FOXN2: variants seen among roughly 807,000 people sequenced by gnomAD.
FOXN2 encodes the protein forkhead box N2.
FOXN2 carries 19 observed loss-of-function variants against 41.2 expected under a neutral mutation model. The observed-to-expected ratio is 0.46, with a 90% CI of 0.32 to 0.68. The LOEUF (loss-of-function observed/expected upper bound fraction) is 0.68. Among genes scored for constraint, FOXN2 ranks in the 30% least tolerant of loss-of-function variants. The pLI is 0.03. For missense variants in FOXN2, 587 were observed against 509.4 expected, an observed-to-expected ratio of 1.15 and a Z score of -1.47; for synonymous variants, 195 against 176.8, an observed-to-expected ratio of 1.10 and a Z score of -0.82.
intron 4 of FOXN2, among the ~76,000 whole-genome samples, chr2:48,361,717 TC>T (rs997931027): frequency 6.6e-6 from 1 of 152,280 alleles, no homozygotes; most frequent in African/African-American, 2.4e-5. Flanking sequence ...GATTTTTTTT[TC>T]ATGCTATCAT....
Position 48,330,133 on chromosome 2 carries a change from A to G in FOXN2, c.-15+1431A>G, listed in dbSNP as rs148756539. 2.3e-3 allele frequency among the ~76,000 whole-genome samples: 349 copies of G among 152,272 alleles called. 3 individuals are homozygous for G. The highest frequency in any genetic ancestry group is 6.2e-3 in the South Asian group (30 of 4,832). On this transcript the variant is annotated intron_variant, in intron 2 of 6. Coordinates refer to ENST00000340553, the MANE Select transcript of FOXN2 (RefSeq NM_002158.4). ...TCAGATTTAGAAAATATTAGTATCT[A>G]TAAACTGCTAAAATATATTATGTCA...
rs948927749 is a variant in FOXN2, at chr2:48,322,773, A to AAT, written c.-156-5779_-156-5778dup. Among the ~76,000 whole-genome samples, 44 of 148,540 alleles carry AAT rather than the reference A, an allele frequency of 3.0e-4. No individual in the cohort carries two copies. The South Asian group carries it at 7.8e-3, about 26-fold the overall frequency. On this transcript the variant is annotated intron_variant, in intron 1 of 6. Transcript: ENST00000340553. Reference sequence around the variant, plus strand: ...CTGATATATTTGATATATATAATACAATATATATATCTGATATAGGTATTT... The same window carrying AAT: ...CTGATATATTTGATATATATAATACAATATATATATATCTGATATAGGTATTT...
chr2:48,329,181 T>C (rs1669871406), intron 2 of FOXN2, among the ~76,000 whole-genome samples: 1 of 152,194 alleles, frequency 6.6e-6, no homozygotes, highest in African/African-American at 2.4e-5. Context: ...GACTACACTT[T>C]TATTTTTGAG....
Position 48,375,546 on chromosome 2 carries a change from T to C in FOXN2, c.*103T>C. 8.6e-7 allele frequency: 1 copy of C among 1,163,514 alleles called. No individual in the cohort carries two copies. Among genetic ancestry groups the C allele is most frequent in the Non-Finnish European group, 1.2e-6 (1 of 852,366 alleles). The allele number at this position is 1,163,514 out of a possible 1,614,324, so 72.1% of individuals were successfully genotyped here. ...TTTAGGGTAGGGAAGGGATACTAATTACTTATTTCTTTCAAAACATTTTTG... is the reference window on the plus strand; with the variant it reads ...TTTAGGGTAGGGAAGGGATACTAATCACTTATTTCTTTCAAAACATTTTTG... On this transcript the variant is annotated 3_prime_UTR_variant, in exon 7 of 7. Transcript: ENST00000340553.
At chr2:48,361,984 A>G (rs1006926330) in intron 4 of FOXN2, among the ~76,000 whole-genome samples, 6 of 152,202 alleles carry the variant, frequency 3.9e-5, no homozygotes, top group African/African-American at 1.4e-4. Context: ...AACAGTAACT[A>G]TCATGTATTA....
intron 3 of FOXN2, among the ~76,000 whole-genome samples, chr2:48,347,671 ATAT>A (rs1671200847): frequency 6.6e-6 from 1 of 152,102 alleles, no homozygotes; most frequent in Non-Finnish European, 1.5e-5. Flanking sequence ...CCTTCAAATA[ATAT>A]TATACCATTT....
intron 1 of FOXN2, among the ~76,000 whole-genome samples, chr2:48,318,622 C>A (rs1237272238): frequency 6.6e-6 from 1 of 152,192 alleles, no homozygotes; most frequent in Non-Finnish European, 1.5e-5. Context: ...AAAACCTTAA[C>A]CTAATTTTGA....
rs186662253 is a variant in FOXN2, at chr2:48,364,057, T to C, written c.703+1350T>C. Among the ~76,000 whole-genome samples, 8 of 152,252 alleles carry C rather than the reference T, an allele frequency of 5.3e-5. No homozygotes were observed. The East Asian group carries it at 1.4e-3, about 26-fold the overall frequency. The stretch of plus-strand genomic sequence containing the variant: ...GGGACTACAGGTGCACATGACTGTA[T>C]TTTAATTCATAAAAAATTCAGATAA... On this transcript the variant is annotated intron_variant, in intron 5 of 6. Coordinates refer to ENST00000340553, the MANE Select transcript of FOXN2 (RefSeq NM_002158.4).
At position 48,354,593 on chromosome 2, in the gene FOXN2, C is replaced by T. The variant is rs112839778; in HGVS notation, c.538-4454C>T. On this transcript the variant is annotated intron_variant, in intron 3 of 6. Coordinates refer to ENST00000340553, the MANE Select transcript of FOXN2 (RefSeq NM_002158.4). Reference sequence around the variant, plus strand: ...CCAGCCTGGCAACAGAGCGAGACTTCGTCTCAAAAACAAAAAAAAGTGCTG... The same window carrying T: ...CCAGCCTGGCAACAGAGCGAGACTTTGTCTCAAAAACAAAAAAAAGTGCTG... Among the ~76,000 whole-genome samples, 592 of 152,224 alleles carry T rather than the reference C, an allele frequency of 3.9e-3. 2 individuals are homozygous for T. Among genetic ancestry groups the T allele is most frequent in the African/African-American group, 0.011 (439 of 41,536 alleles).
chr2:48,359,064 C>T lies in FOXN2; in HGVS notation c.555C>T (p.Ser185=). The T allele has an allele frequency of 6.2e-7, 1 of 1,613,110 alleles. No individual in the cohort carries two copies. Among genetic ancestry groups the T allele is most frequent in the Non-Finnish European group, 8.5e-7 (1 of 1,179,518 alleles). ...TATTCTAGGTTAATGGAAAAGGTTC[C>T]TTATGGTGTGTTGATCCGGAATATA... is the stretch of plus-strand genomic sequence containing the variant. ...RSHGKVNGKG[S]LWCVDPEYKP... Residue 185 remains serine, a synonymous_variant, in exon 4 of 7, where the codon TCC becomes TCT. Transcript: ENST00000340553.
rs911860169 is a variant in FOXN2 at position 48,376,129 on chromosome 2, G to A, written c.*686G>A. The stretch of plus-strand genomic sequence containing the variant: ...CCTATTAGAATGGTAGCTTTGAAGT[G>A]TTTTTACTTCAGAGATCCTGCATAG... On this transcript the variant is annotated 3_prime_UTR_variant, in exon 7 of 7. Coordinates refer to ENST00000340553, the MANE Select transcript of FOXN2 (RefSeq NM_002158.4). 6.6e-6 allele frequency: 1 copy of A among 152,122 alleles called. No individual in the cohort carries two copies. Among genetic ancestry groups the A allele is most frequent in the African/African-American group, 2.4e-5 (1 of 41,434 alleles). 9.4% of individuals were successfully genotyped at this position (152,122 alleles called of 1,614,324 possible).
In FOXN2 at chr2:48,375,602, A is replaced by G. The variant is rs1051097357; in HGVS notation, c.*159A>G. 4 of 676,078 alleles carry G rather than the reference A, an allele frequency of 5.9e-6. No individual in the cohort carries two copies. The highest frequency in any genetic ancestry group is 2.8e-5 in the East Asian group (1 of 36,306). The allele number at this position is 676,078 out of a possible 1,614,324, so 41.9% of individuals were successfully genotyped here. A position where few individuals can be genotyped will look rare whatever the true frequency, so the allele number is the denominator to read the frequency against. On this transcript the variant is annotated 3_prime_UTR_variant, in exon 7 of 7. Coordinates refer to ENST00000340553, the MANE Select transcript of FOXN2 (RefSeq NM_002158.4). ...TGGTTTTTAAAATTTTTATTAAACA[A>G]TTGCTGTTAGGATCATGCCTGATCA...
chr2:48,330,151 TTA>T (rs1213514980), intron 2 of FOXN2, among the ~76,000 whole-genome samples: 1 of 152,114 alleles, frequency 6.6e-6, no homozygotes, highest in African/African-American at 2.4e-5. Context: ...CTAAAATATA[TTA>T]TGTCATTTAT....
At chr2:48,316,666 G>A (rs1393618657) in intron 1 of FOXN2, among the ~76,000 whole-genome samples, 1 of 152,160 alleles carries the variant, frequency 6.6e-6, no homozygotes, top group African/African-American at 2.4e-5. Flanking sequence ...AAAGTAGAAG[G>A]TCAAAGAGTT....
intron 3 of FOXN2, among the ~76,000 whole-genome samples, chr2:48,354,873 A>C (rs1572751087): frequency 6.6e-6 from 1 of 152,242 alleles, no homozygotes; most frequent in East Asian, 1.9e-4. Context: ...GGACATTCAA[A>C]TTAAAAGAAC....
At chr2:48,356,428 G>A (rs1018072812) in intron 3 of FOXN2, among the ~76,000 whole-genome samples, 5 of 151,706 alleles carry the variant, frequency 3.3e-5, no homozygotes, top group Admixed American at 2.0e-4. Context: ...TTGACACAGC[G>A]AGACTGTCTC....
chr2:48,332,946 T>C (rs1283982877), intron 2 of FOXN2, among the ~76,000 whole-genome samples: 1 of 152,204 alleles, frequency 6.6e-6, no homozygotes, highest in East Asian at 1.9e-4. Context: ...TGGTTCACTG[T>C]CTCCAGATGT....
chr2:48,375,436 A>G lies in FOXN2; in HGVS notation c.1289A>G (p.Lys430Arg). 1 of 1,603,376 alleles carries G rather than the reference A, an allele frequency of 6.2e-7. No homozygotes were observed. The highest frequency in any genetic ancestry group is 8.5e-7 in the Non-Finnish European group (1 of 1,174,772). ...TAKTQNQKQR[K>R]K Reference sequence around the variant, plus strand: ...AAGACACAAAATCAAAAGCAACGGAAAAAATAGAAATACTTAAAGTGTGGC... The same window carrying G: ...AAGACACAAAATCAAAAGCAACGGAGAAAATAGAAATACTTAAAGTGTGGC... The change falls in exon 7 of 7, where the codon AAA becomes AGA. Residue 430 changes from lysine (K) to arginine (R), a missense_variant. Transcript: ENST00000340553.
intron 5 of FOXN2, among the ~76,000 whole-genome samples, chr2:48,371,345 C>T (rs778296875): frequency 5.9e-4 from 90 of 151,860 alleles, no homozygotes; most frequent in African/African-American, 1.9e-3. Flanking sequence ...TGCAGTGACC[C>T]GAGAACACTC....
Sources: gnomAD v4.1 joint callset for allele counts (sites outside exome capture counted in the v4.1 genomes callset) on GRCh38, gnomAD v4.1.1 for gene constraint, MANE v1.5 for transcripts, NCBI Gene and HGNC (gene_info 2026-07-23, HGNC 2026-07-21) for gene names.